Variants in PLEKHA6 observed in about 807,000 individuals in gnomAD.
PLEKHA6 encodes the protein pleckstrin homology domain containing A6.
Under a neutral mutation model 116.7 loss-of-function variants are expected in PLEKHA6, and 60 were observed. That is an observed-to-expected ratio of 0.51 (90% CI 0.42 to 0.64). The LOEUF is 0.64. PLEKHA6 is among the 30% of genes least tolerant of loss of function. The pLI is 0.00. For missense variants in PLEKHA6, 1,338 were observed against 1,422.7 expected (o/e 0.94, Z 0.96); for synonymous variants, 489 against 556.1 (o/e 0.88, Z 1.70).
intron 1 of PLEKHA6, among the ~76,000 whole-genome samples, chr1:204,343,047 C>T (rs1672902205): frequency 1.3e-5 from 2 of 152,132 alleles, no homozygotes; most frequent in South Asian, 4.1e-4. Context: ...CCTGACCTTC[C>T]CTCTAACTCA....
Position 204,248,980 on chromosome 1 carries a change from G to C in PLEKHA6, c.1675-10C>G. ...CACTTTCCAGGCTCTCCTGAAGAAA[G>C]GCAGGGGAATGACATGAGCAGCCCT... On this transcript the variant is annotated splice_polypyrimidine_tract_variant and intron_variant, in intron 11 of 22. Transcript: ENST00000272203. 6.2e-7 allele frequency: 1 copy of C among 1,613,558 alleles called. No homozygotes were observed. Among genetic ancestry groups the C allele is most frequent in the South Asian group, 1.1e-5 (1 of 90,974 alleles).
In PLEKHA6 at chr1:204,259,432, C is replaced by G. The variant is rs1443486253; in HGVS notation, c.833G>C (p.Ser278Thr). 5 of 1,614,240 alleles carry G rather than the reference C, an allele frequency of 3.1e-6. No individual in the cohort carries two copies. The South Asian group carries it at 4.4e-5, about 14-fold the overall frequency. The change falls in exon 8 of 23, where the codon AGC becomes ACC. Residue 278 changes from serine (S) to threonine (T), a missense_variant. Physicochemically the swap from Ser to Thr is moderately conservative, Grantham distance 58. This residue lies in a region of PLEKHA6 where 1,136 missense variants were observed against 1,163.6 expected (regional missense o/e 0.98). Transcript: ENST00000272203. This position sits in a 1 kb window ranked among gnomAD's most constrained non-coding sequence, Gnocchi z 4.6. ...QPNGWQYHSP[S>T]RPGSTAFPSQ... ...CGGGAAAGCTGTGCTCCCTGGCCGGCTTGGGGAGTGGTACTGCCAGCCATT... is the reference window on the plus strand; with the variant it reads ...CGGGAAAGCTGTGCTCCCTGGCCGGGTTGGGGAGTGGTACTGCCAGCCATT...
At position 204,233,342 on chromosome 1, in the gene PLEKHA6, A is replaced by ATTTT. The variant is rs143142208; in HGVS notation, c.2410-2760_2410-2757dup. Reference sequence around the variant, plus strand: ...AGGTATGCACCACCACACCTGGCTAATTTTTTTTTTTTTTTTGAGATGGAG... The same window carrying ATTTT: ...AGGTATGCACCACCACACCTGGCTAATTTTTTTTTTTTTTTTTTTTGAGATGGAG... On this transcript the variant is annotated intron_variant, in intron 17 of 22. Coordinates refer to ENST00000272203, the MANE Select transcript of PLEKHA6 (RefSeq NM_014935.5). Among the ~76,000 whole-genome samples the ATTTT allele has an allele frequency of 4.7e-3, 623 of 132,948 alleles. 8 individuals are homozygous for ATTTT. The highest frequency in any genetic ancestry group is 7.5e-3 in the Middle Eastern group (2 of 266). The allele number at this position is 132,948 out of a possible 152,430, so 87.2% of individuals were successfully genotyped here.
At chr1:204,255,375 G>T (rs1486874499) in intron 9 of PLEKHA6, among the ~76,000 whole-genome samples, 1 of 152,200 alleles carries the variant, frequency 6.6e-6, no homozygotes, top group Non-Finnish European at 1.5e-5. Context: ...GAGCACTGGA[G>T]AAATAAGAGG....
At chr1:204,352,011 T>C (rs1454131030) in intron 1 of PLEKHA6, among the ~76,000 whole-genome samples, 3 of 151,478 alleles carry the variant, frequency 2.0e-5, no homozygotes, top group African/African-American at 4.9e-5. Flanking sequence ...CAGGCGGAGG[T>C]TGCAGTGAGC....
intron 3 of PLEKHA6, among the ~76,000 whole-genome samples, chr1:204,364,948 C>A (rs1398152): frequency 0.22 from 33,617 of 152,130 alleles, 4,583 homozygotes; most frequent in African/African-American, 0.38. Flanking sequence ...AAATAACTAC[C>A]ATACACGGAC....
intron 1 of PLEKHA6, among the ~76,000 whole-genome samples, chr1:204,340,656 T>TC (rs1221272944): frequency 6.6e-6 from 1 of 152,148 alleles, no homozygotes; most frequent in African/African-American, 2.4e-5. Flanking sequence ...TTGTGTTCAC[T>TC]CGTTGGCCAG....
chr1:204,311,923 T>C (rs944803719), intron 1 of PLEKHA6, among the ~76,000 whole-genome samples: 24 of 152,342 alleles, frequency 1.6e-4, no homozygotes, highest in South Asian at 1.0e-3. Context: ...GCCCATTTCT[T>C]ACCCTTCCTA....
chr1:204,353,711 T>C (rs1256582503), intron 1 of PLEKHA6, among the ~76,000 whole-genome samples: 1 of 152,206 alleles, frequency 6.6e-6, no homozygotes, highest in African/African-American at 2.4e-5. Flanking sequence ...ATTCCCATTT[T>C]AGAGATGAGG....
intron 1 of PLEKHA6, among the ~76,000 whole-genome samples, chr1:204,299,152 C>T (rs1412678450): frequency 6.6e-6 from 1 of 152,212 alleles, no homozygotes; most frequent in African/African-American, 2.4e-5. Context: ...CCAGAAGTCA[C>T]AAATTAATCC....
At chr1:204,268,349 TCTC>T (rs1282642620) in intron 3 of PLEKHA6, 37 bp from the exon 4 acceptor site, 4 of 1,452,872 alleles carry the variant, frequency 2.8e-6, no homozygotes, top group East Asian at 2.4e-5. Context: ...AGGTCCCCAG[TCTC>T]CTCCTTCCTG....
chr1:204,305,544 G>A (rs1671217427), intron 1 of PLEKHA6, among the ~76,000 whole-genome samples: 1 of 152,200 alleles, frequency 6.6e-6, no homozygotes, highest in Admixed American at 6.5e-5. Flanking sequence ...ACTGCTTAGG[G>A]AAGAAGAGGG....
intron 3 of PLEKHA6, among the ~76,000 whole-genome samples, chr1:204,365,428 G>A (rs969564688): frequency 6.6e-6 from 1 of 152,168 alleles, no homozygotes; most frequent in African/African-American, 2.4e-5. Context: ...GAAGTGGGTG[G>A]GTTGAGAGAT....
At chr1:204,306,915 T>C (rs1167611551) in intron 1 of PLEKHA6, among the ~76,000 whole-genome samples, 1 of 152,218 alleles carries the variant, frequency 6.6e-6, no homozygotes, top group Non-Finnish European at 1.5e-5. Context: ...TGGATACACA[T>C]GGGTTGTACT....
At chr1:204,326,462 C>T (rs568600469) in intron 1 of PLEKHA6, among the ~76,000 whole-genome samples, 1 of 152,224 alleles carries the variant, frequency 6.6e-6, no homozygotes, top group Non-Finnish European at 1.5e-5. Flanking sequence ...CTTCCCAGCT[C>T]TCATTCTAAC....
At position 204,259,165 on chromosome 1, in the gene PLEKHA6, T is replaced by C. The variant is rs1571929578; in HGVS notation, c.1007+93A>G. On this transcript the variant is annotated intron_variant, in intron 8 of 22. Coordinates refer to ENST00000272203, the MANE Select transcript of PLEKHA6 (RefSeq NM_014935.5). The surrounding 1 kb of genome is among the most constrained non-coding windows in gnomAD (Gnocchi z 4.6). ...CAACTCAGCCTGCTTCCAGAAGGTT[T>C]CCAACAGGGGATGCCTCGTGGGCTA... 7.0e-7 allele frequency: 1 copy of C among 1,420,940 alleles called. No homozygotes were observed. The highest frequency in any genetic ancestry group is 1.4e-5 in the African/African-American group (1 of 70,928). The allele number at this position is 1,420,940 out of a possible 1,614,324, so 88.0% of individuals were successfully genotyped here.
Position 204,327,737 on chromosome 1 carries a change from G to A in PLEKHA6, c.-95+31957C>T, listed in dbSNP as rs573896457. 2.0e-5 allele frequency among the ~76,000 whole-genome samples: 3 copies of A among 152,360 alleles called. No individual in the cohort carries two copies. The East Asian group carries it at 5.8e-4, about 29-fold the overall frequency. On this transcript the variant is annotated intron_variant, in intron 1 of 22. Transcript: ENST00000272203. Reference sequence around the variant, plus strand: ...CAAGGACTCAGGGGGCCTGTCTCAAGGGCAAGAGACAGCCCAGGCCTCCAA... The same window carrying A: ...CAAGGACTCAGGGGGCCTGTCTCAAAGGCAAGAGACAGCCCAGGCCTCCAA...
intron 1 of PLEKHA6, among the ~76,000 whole-genome samples, chr1:204,330,957 G>A (rs1672426116): frequency 6.6e-6 from 1 of 152,136 alleles, no homozygotes; most frequent in African/African-American, 2.4e-5. Flanking sequence ...CACTTTGGGA[G>A]GCCAAGGCAG....
At chr1:204,263,091 C>A (rs1410028732) in intron 6 of PLEKHA6, among the ~76,000 whole-genome samples, 1 of 152,182 alleles carries the variant, frequency 6.6e-6, no homozygotes, top group Non-Finnish European at 1.5e-5. Context: ...CAAAGACAGG[C>A]TCTTGCACTT....
Sources: allele counts gnomAD v4.1 joint callset (sites outside exome capture counted in the v4.1 genomes callset), GRCh38; gene constraint gnomAD v4.1.1; regional missense constraint gnomAD v4.1.1; non-coding constraint Gnocchi (gnomAD v3.1); transcripts MANE v1.5; gene names NCBI Gene and HGNC (gene_info 2026-07-23, HGNC 2026-07-21).